Variants in RSPH3 observed in about 807,000 individuals in gnomAD.
The protein encoded by RSPH3 is radial spoke head 3.
In RSPH3, 21 loss-of-function variants were observed where a neutral mutation model predicts 43.8. The ratio of observed to expected loss-of-function variants is 0.48; its 90% CI spans 0.34 to 0.69. The LOEUF is 0.69. Ranked by LOEUF, RSPH3 falls within the 30% of genes least tolerant of loss-of-function variation. RSPH3 has a pLI of 0.01. For synonymous variants in RSPH3, 173 were observed against 179.8 expected (o/e 0.96, Z 0.30); for missense variants, 487 against 516.0 (o/e 0.94, Z 0.54).
intron 2 of RSPH3, among the ~76,000 whole-genome samples, chr6:158,990,752 C>T (rs76701258): frequency 0.011 from 1,640 of 151,930 alleles, 16 homozygotes; most frequent in Middle Eastern, 0.034. Context: ...ATCTGTAGGC[C>T]TTTTGCCAAA....
At position 158,999,587 on chromosome 6, in the gene RSPH3, G is replaced by C. The variant is rs2114732895; in HGVS notation, c.-37C>G. The C allele has an allele frequency of 6.2e-7, 1 of 1,609,852 alleles. No individual in the cohort carries two copies. Among genetic ancestry groups the C allele is most frequent in the South Asian group, 1.1e-5 (1 of 90,824 alleles). ...GACTGCCTCGCTTTCGGTGGAGCTT[G>C]GCTTTGAAGCAGGTGGGCGCTAAGG... is the stretch of plus-strand genomic sequence containing the variant. On this transcript the variant is annotated 5_prime_UTR_variant, in exon 1 of 8. Coordinates refer to ENST00000367069, the MANE Select transcript of RSPH3 (RefSeq NM_031924.8).
chr6:158,977,794 T>C lies in RSPH3; in HGVS notation c.1001A>G (p.Asp334Gly). 1 of 1,614,172 alleles carries C rather than the reference T, an allele frequency of 6.2e-7. No homozygotes were observed. The highest frequency in any genetic ancestry group is 2.2e-5 in the East Asian group (1 of 44,882). ...KRLCMYEHGEDTHQSPEPEDE... is the reference protein window; with the variant it reads ...KRLCMYEHGEGTHQSPEPEDE... The stretch of plus-strand genomic sequence containing the variant: ...CTCGGGTTCTGGAGACTGATGTGTG[T>C]CTTCCCCATGCTCATACATACACAG... Residue 334 changes from aspartate (D) to glycine (G), a missense_variant, in exon 8 of 8, where the codon GAC becomes GGC. Asp to Gly is a moderately conservative substitution (Grantham distance 94). Transcript: ENST00000367069.
In RSPH3 at chr6:158,973,441, ACCG is replaced by A. The variant is rs755931203; in HGVS notation, c.*4094_*4096del. 1 of 152,208 alleles carries A rather than the reference ACCG, an allele frequency of 6.6e-6. No homozygotes were observed. Among genetic ancestry groups the A allele is most frequent in the Non-Finnish European group, 1.5e-5 (1 of 68,028 alleles). 9.4% of individuals were successfully genotyped at this position (152,208 alleles called of 1,614,324 possible). On this transcript the variant is annotated 3_prime_UTR_variant, in exon 8 of 8. Coordinates refer to ENST00000367069, the MANE Select transcript of RSPH3 (RefSeq NM_031924.8). ...GCAAAATGCTGCTTCCCCAACTATGACCGCCATTATAACTTTTAATGGAATTAT... is the reference window on the plus strand; with the variant it reads ...GCAAAATGCTGCTTCCCCAACTATGACCATTATAACTTTTAATGGAATTAT...
intron 2 of RSPH3, chr6:158,990,445 A>G (rs1778369693): frequency 6.6e-6 from 1 of 152,134 alleles, no homozygotes. Flanking sequence ...GGGGGAGTGA[A>G]GCCAGCCTGC....
chr6:158,992,530 G>A (rs770960169), intron 2 of RSPH3, among the ~76,000 whole-genome samples: 3 of 149,782 alleles, frequency 2.0e-5, no homozygotes, highest in South Asian at 2.1e-4. Context: ...CTGGGCTCAA[G>A]TGATCTGCCC....
intron 2 of RSPH3, among the ~76,000 whole-genome samples, chr6:158,993,306 C>T (rs528626382): frequency 7.2e-4 from 110 of 152,014 alleles, no homozygotes; most frequent in African/African-American, 2.5e-3. Flanking sequence ...TTAGTAGAGA[C>T]GGGGTTTCAC....
At chr6:158,977,924 T>C (rs1777904772) in intron 7 of RSPH3, 76 bp from the exon 8 acceptor site, 7 of 1,293,414 alleles carry the variant, frequency 5.4e-6, no homozygotes, top group African/African-American at 1.5e-5. Flanking sequence ...TGCTCACTTA[T>C]AGATGATTAC....
At chr6:158,966,214 C>T in the RSPH3 span, among the ~76,000 whole-genome samples, 254 of 152,126 alleles carry the variant, frequency 1.7e-3, 1 homozygote, top group Non-Finnish European at 2.8e-3. Flanking sequence ...TCATCCTTTT[C>T]GTATGTTGCT....
At position 158,976,785 on chromosome 6, in the gene RSPH3, CA is replaced by C. The variant is rs1219817761; in HGVS notation, c.*752del. 1.3e-5 allele frequency: 2 copies of C among 152,380 alleles called. No homozygotes were observed. Among genetic ancestry groups the C allele is most frequent in the African/African-American group, 4.8e-5 (2 of 41,428 alleles). The allele number at this position is 152,380 out of a possible 1,614,324, so 9.4% of individuals were successfully genotyped here. ...TGCAGGAAGGGAGCACTGTGGCTTT[CA>C]GTAGCACAACGTTTAGGCATTCTCT... On this transcript the variant is annotated 3_prime_UTR_variant, in exon 8 of 8. Coordinates refer to ENST00000367069, the MANE Select transcript of RSPH3 (RefSeq NM_031924.8).
At chr6:158,971,472 T>G (rs117579421), downstream of RSPH3, among the ~76,000 whole-genome samples, 2,708 of 152,292 alleles carry the variant, frequency 0.018, 34 homozygotes, top group Middle Eastern at 0.024. Flanking sequence ...GTATTGTACT[T>G]TAATATAAAC....
chr6:158,971,272 C>T (rs1267049481), downstream of RSPH3, among the ~76,000 whole-genome samples: 3 of 152,154 alleles, frequency 2.0e-5, no homozygotes, highest in Admixed American at 6.5e-5. Context: ...ACTGTTCTTA[C>T]TAAGATTCAA....
rs1777883483 is a variant in RSPH3, at chr6:158,977,530, C to T, written c.*8G>A. ...GTTGATTGGTTTCATGACTTTGAAG[C>T]TTCCCTCCTATGACAATTCTTCCTC... is the stretch of plus-strand genomic sequence containing the variant. On this transcript the variant is annotated 3_prime_UTR_variant, in exon 8 of 8. Coordinates refer to ENST00000367069, the MANE Select transcript of RSPH3 (RefSeq NM_031924.8). The T allele has an allele frequency of 6.3e-7, 1 of 1,590,280 alleles. No homozygotes were observed. Among genetic ancestry groups the T allele is most frequent in the Non-Finnish European group, 8.5e-7 (1 of 1,170,400 alleles).
intron 3 of RSPH3, among the ~76,000 whole-genome samples, chr6:158,985,620 T>C (rs1024487474): frequency 6.6e-5 from 10 of 151,974 alleles, no homozygotes; most frequent in African/African-American, 2.2e-4. Flanking sequence ...TTTGTAGAGA[T>C]GGCGTCTTTG....
chr6:158,997,063 C>T (rs76923012), intron 1 of RSPH3, among the ~76,000 whole-genome samples: 2,812 of 152,202 alleles, frequency 0.018, 34 homozygotes, highest in Middle Eastern at 0.024. Context: ...CCACTTCCCA[C>T]GGATCTGCTT....
intron 3 of RSPH3, among the ~76,000 whole-genome samples, chr6:158,984,276 G>A (rs1365399621): frequency 6.6e-6 from 1 of 151,358 alleles, no homozygotes; most frequent in Non-Finnish European, 1.5e-5. Flanking sequence ...TGAACTAAGA[G>A]TTTTTAAATA....
Position 158,999,486 on chromosome 6 carries a change from G to C in RSPH3, c.65C>G (p.Pro22Arg). 1 of 1,532,726 alleles carries C rather than the reference G, an allele frequency of 6.5e-7. No homozygotes were observed. Among genetic ancestry groups the C allele is most frequent in the Non-Finnish European group, 8.8e-7 (1 of 1,139,364 alleles). 94.9% of individuals were successfully genotyped at this position (1,532,726 alleles called of 1,614,324 possible). A position where few individuals can be genotyped will look rare whatever the true frequency, so the allele number is the denominator to read the frequency against. The change falls in exon 1 of 8, where the codon CCC becomes CGC. Residue 22 changes from proline (P) to arginine (R), a missense_variant. Physicochemically the swap from Pro to Arg is moderately radical, Grantham distance 103 (BLOSUM62 -2). Coordinates refer to ENST00000367069, the MANE Select transcript of RSPH3 (RefSeq NM_031924.8). ...GCTGCGCTGGCAGGGCAGTGCTCGG[G>C]GCCGGCTGGTGTAGGTGTAGGTGCT... is the stretch of plus-strand genomic sequence containing the variant. ...APSTYTYTSR[P>R]RALPCQRSRY...
At chr6:158,971,089 T>C (rs1777689976), downstream of RSPH3, among the ~76,000 whole-genome samples, 1 of 152,188 alleles carries the variant, frequency 6.6e-6, no homozygotes, top group South Asian at 2.1e-4. Context: ...AGATGCCAAG[T>C]AGTGACAACT....
intron 1 of RSPH3, among the ~76,000 whole-genome samples, chr6:158,995,737 G>T (rs1286009708): frequency 2.6e-5 from 4 of 152,094 alleles, no homozygotes; most frequent in East Asian, 1.9e-4. Flanking sequence ...TGGGACTACA[G>T]GCGCCCGCCA....
rs1778351128 is a variant in RSPH3, at chr6:158,989,890, T to C, written c.205-3469A>G. ...CTCAGGGTGTTGCCAAAAGAGACTA[T>C]CATCTGAGTCAGTAGGCTGGGAAAG... is the stretch of plus-strand genomic sequence containing the variant. On this transcript the variant is annotated intron_variant, in intron 2 of 7. Transcript: ENST00000367069. This position sits in a 1 kb window ranked among gnomAD's most constrained non-coding sequence, Gnocchi z 4.3. 6.6e-6 allele frequency among the ~76,000 whole-genome samples: 1 copy of C among 152,144 alleles called. No homozygotes were observed. The highest frequency in any genetic ancestry group is 1.5e-5 in the Non-Finnish European group (1 of 68,034).
Sources: allele counts gnomAD v4.1 joint callset (sites outside exome capture counted in the v4.1 genomes callset), GRCh38; gene constraint gnomAD v4.1.1; non-coding constraint Gnocchi (gnomAD v3.1); transcripts MANE v1.5; gene names NCBI Gene and HGNC (gene_info 2026-07-23, HGNC 2026-07-21).